The following CATSPERE variants were observed in gnomAD, a reference collection of about 807,000 sequenced individuals.
CATSPERE encodes the protein cation channel sperm-associated auxiliary subunit epsilon.
A neutral mutation model predicts 114.1 loss-of-function variants in CATSPERE; 93 were observed. That is an observed-to-expected ratio of 0.81 (90% CI 0.69 to 0.97). The LOEUF is 0.97. Ranked by LOEUF, CATSPERE falls within the 50% of genes least tolerant of loss-of-function variation. The probability of loss-of-function intolerance (pLI) is 0.00; values close to 1 mark genes in which losing one functional copy is unlikely to be tolerated. For synonymous variants in CATSPERE, 341 were observed against 384.1 expected (o/e 0.89, Z 1.31); for missense variants, 1,058 against 1,131.6 (o/e 0.93, Z 0.93).
intron 21 of CATSPERE, among the ~76,000 whole-genome samples, chr1:244,637,356 C>G (rs780753893): frequency 3.9e-5 from 6 of 152,230 alleles, no homozygotes. Flanking sequence ...CATCAGTGTT[C>G]GCATCCAGCA....
At chr1:244,570,639 A>C (rs1464347529) in intron 10 of CATSPERE, among the ~76,000 whole-genome samples, 1 of 152,256 alleles carries the variant, frequency 6.6e-6, no homozygotes, top group Non-Finnish European at 1.5e-5. Context: ...CTTCATATTT[A>C]AAGCAAGGAT....
chr1:244,523,384 T>C lies in CATSPERE; in HGVS notation c.536+4686T>C, dbSNP rs1045916401. ...GACAAAGCCACAGCCAATATCATAC[T>C]GAATGGGCAAAAACTGGAAGCATTC... On this transcript the variant is annotated intron_variant, in intron 8 of 21. Transcript: ENST00000366534. Among the ~76,000 whole-genome samples, 17 of 142,992 alleles carry C rather than the reference T, an allele frequency of 1.2e-4. 3 individuals carry two copies. Among genetic ancestry groups the C allele is most frequent in the African/African-American group, 4.9e-4 (17 of 34,416 alleles). The allele number at this position is 142,992 out of a possible 152,430, so 93.8% of individuals were successfully genotyped here.
intron 8 of CATSPERE, among the ~76,000 whole-genome samples, chr1:244,544,254 G>T (rs1297404207): frequency 1.3e-5 from 2 of 152,126 alleles, no homozygotes; most frequent in Non-Finnish European, 2.9e-5. Flanking sequence ...CAGGGTAACT[G>T]TACATTGGGG....
intron 7 of CATSPERE, among the ~76,000 whole-genome samples, chr1:244,502,099 A>C (rs1004840803): frequency 6.6e-6 from 1 of 151,820 alleles, no homozygotes; most frequent in Non-Finnish European, 1.5e-5. Flanking sequence ...TTTTTTTCAC[A>C]TGAGCAGATT....
intron 7 of CATSPERE, among the ~76,000 whole-genome samples, chr1:244,507,025 A>G (rs891377984): frequency 2.0e-5 from 3 of 152,140 alleles, no homozygotes; most frequent in African/African-American, 4.8e-5. Context: ...TATGCCTGGT[A>G]TATTTCACTC....
intron 2 of CATSPERE, among the ~76,000 whole-genome samples, chr1:244,467,634 A>G (rs1667805724): frequency 6.6e-6 from 1 of 152,184 alleles, no homozygotes; most frequent in Non-Finnish European, 1.5e-5. Flanking sequence ...GCACCAGAAG[A>G]CCTATGTAGG....
chr1:244,535,491 C>A (rs953510709), intron 8 of CATSPERE, among the ~76,000 whole-genome samples: 1 of 152,198 alleles, frequency 6.6e-6, no homozygotes, highest in Admixed American at 6.5e-5. Context: ...CCTTTCCACT[C>A]CTCTCTTTCC....
chr1:244,469,722 G>A (rs1380629118), intron 2 of CATSPERE, among the ~76,000 whole-genome samples: 1 of 152,080 alleles, frequency 6.6e-6, no homozygotes, highest in Non-Finnish European at 1.5e-5. Flanking sequence ...AAATTCAAGA[G>A]TACCAGAATA....
chr1:244,469,117 C>T (rs933414152), intron 2 of CATSPERE, among the ~76,000 whole-genome samples: 5 of 152,150 alleles, frequency 3.3e-5, no homozygotes, highest in African/African-American at 4.8e-5. Context: ...AGGGACTTGA[C>T]TACATTTAAG....
chr1:244,555,896 CA>C (rs1274326609), intron 9 of CATSPERE, among the ~76,000 whole-genome samples: 5 of 152,026 alleles, frequency 3.3e-5, no homozygotes, highest in Non-Finnish European at 5.9e-5. Flanking sequence ...AGGAAGACTA[CA>C]AAACACTGAT....
chr1:244,491,033 C>T (rs934198380), intron 6 of CATSPERE, among the ~76,000 whole-genome samples: 1 of 152,032 alleles, frequency 6.6e-6, no homozygotes, highest in Non-Finnish European at 1.5e-5. Flanking sequence ...TTAGACAGAT[C>T]AACGAGACAG....
intron 7 of CATSPERE, 72 bp from the exon 8 acceptor site, chr1:244,518,520 A>G (rs1677000770): frequency 1.1e-6 from 1 of 918,662 alleles, no homozygotes; most frequent in Non-Finnish European, 1.7e-6. Flanking sequence ...CAAATTCAAT[A>G]TATCCTGATG....
At chr1:244,528,171 A>G (rs1019478273) in intron 8 of CATSPERE, among the ~76,000 whole-genome samples, 29 of 152,120 alleles carry the variant, frequency 1.9e-4, no homozygotes, top group Non-Finnish European at 2.8e-4. Context: ...CCATGTGTCC[A>G]TGTGTTCTCA....
intron 1 of CATSPERE, among the ~76,000 whole-genome samples, chr1:244,456,086 G>GC (rs895871719): frequency 9.6e-5 from 6 of 62,506 alleles, no homozygotes; most frequent in Admixed American, 1.5e-4. Flanking sequence ...ACACCCCCCC[G>GC]CCCCCCAACA....
intron 7 of CATSPERE, 56 bp from the exon 8 acceptor site, chr1:244,518,509 ACAAATTCAATATATCCTGATGTCACAT>A: frequency 1.1e-6 from 1 of 872,732 alleles, no homozygotes; most frequent in Non-Finnish European, 1.9e-6. Flanking sequence ...AACGAAAATA[ACAAATTCAATATATCCTGATGTCACAT>A]CAAAATACTT....
intron 13 of CATSPERE, among the ~76,000 whole-genome samples, chr1:244,588,107 TCGC>T (rs1667243720): frequency 6.7e-6 from 1 of 149,418 alleles, no homozygotes; most frequent in Admixed American, 6.7e-5. Flanking sequence ...GGCAGGAAAA[TCGC>T]TTGAACTCGG....
In CATSPERE at chr1:244,477,928, T is replaced by C. The variant is rs1324323702; in HGVS notation, c.211T>C (p.Cys71Arg). Residue 71 changes from cysteine (C) to arginine (R), a missense_variant, in exon 4 of 22, where the codon TGT (cysteine) becomes CGT (arginine). Physicochemically the swap from Cys to Arg is radical, Grantham distance 180. This residue lies in a region of CATSPERE where 271 missense variants were observed against 225.9 expected (regional missense o/e 1.20). Transcript: ENST00000366534. ...NKSSPTTELR[C>R]SSPGVHAIKP... is the part of the protein sequence containing the mutation. ...TAGCTCACCCACGACAGAATTGCGT[T>C]GTTCCTCACCTGGTGTTCACGCTAT... 1 of 1,609,642 alleles carries C rather than the reference T, an allele frequency of 6.2e-7. No individual in the cohort carries two copies. Among genetic ancestry groups the C allele is most frequent in the Non-Finnish European group, 8.5e-7 (1 of 1,176,686 alleles).
intron 19 of CATSPERE, among the ~76,000 whole-genome samples, chr1:244,614,771 A>G (rs1671164250): frequency 6.6e-6 from 1 of 152,136 alleles, no homozygotes. Context: ...ATAAAGGGTA[A>G]GCAACCTTCT....
Position 244,568,684 on chromosome 1 carries a change from C to G in CATSPERE, c.1508-3646C>G, listed in dbSNP as rs982120070. On this transcript the variant is annotated intron_variant, in intron 10 of 21. Coordinates refer to ENST00000366534, the MANE Select transcript of CATSPERE (RefSeq NM_001130957.2). This position sits in a 1 kb window ranked among gnomAD's most constrained non-coding sequence, Gnocchi z 4.4. ...ACTCAAGCCTCAGTAATGGCAGACG[C>G]TCCTACCCCCACCAAGTTCGGGTGT... 1.3e-5 allele frequency among the ~76,000 whole-genome samples: 2 copies of G among 152,200 alleles called. No individual in the cohort carries two copies. The highest frequency in any genetic ancestry group is 4.8e-5 in the African/African-American group (2 of 41,454).
Sources: allele counts gnomAD v4.1 joint callset (sites outside exome capture counted in the v4.1 genomes callset), GRCh38; gene constraint gnomAD v4.1.1; regional missense constraint gnomAD v4.1.1; non-coding constraint Gnocchi (gnomAD v3.1); transcripts MANE v1.5; gene names NCBI Gene and HGNC (gene_info 2026-07-23, HGNC 2026-07-21).